DZIP1L: variants seen among roughly 807,000 people sequenced by gnomAD.
DZIP1L encodes the protein DAZ interacting zinc finger protein 1 like.
DZIP1L carries 90 observed loss-of-function variants against 88.7 expected under a neutral mutation model. That is an observed-to-expected ratio of 1.02 (90% CI 0.86 to 1.21). The LOEUF is 1.21. DZIP1L is among the 50% of genes most tolerant of loss of function. The pLI is 0.00. For missense variants in DZIP1L, 932 were observed against 955.8 expected (o/e 0.98, Z 0.33); for synonymous variants, 363 against 372.1 (o/e 0.98, Z 0.28).
In DZIP1L at chr3:138,101,534, T is replaced by C. The variant is rs766443097; in HGVS notation, c.501+1937A>G. ...ACCAGCTTCCCATCGCAAGTCTCTA[T>C]CTTCTTCACAACCACAGTGGCCCTG... On this transcript the variant is annotated intron_variant, in intron 2 of 15. Coordinates refer to ENST00000327532, the MANE Select transcript of DZIP1L (RefSeq NM_173543.3). 84 of 795,976 alleles carry C rather than the reference T, an allele frequency of 1.1e-4. 1 individual carries two copies. In the African/African-American group the frequency reaches 1.3e-3, roughly 12 times the overall value. 49.3% of individuals were successfully genotyped at this position (795,976 alleles called of 1,614,324 possible).
intron 2 of DZIP1L, 22 bp downstream of exon 2, chr3:138,103,449 C>A: frequency 6.3e-7 from 1 of 1,577,570 alleles, no homozygotes; most frequent in South Asian, 1.2e-5. Context: ...CCCACTCTCC[C>A]TGCCTGGTGG....
At chr3:138,091,908 C>CAGAAT (rs1944253877) in intron 5 of DZIP1L, among the ~76,000 whole-genome samples, 1 of 152,134 alleles carries the variant, frequency 6.6e-6, no homozygotes, top group Non-Finnish European at 1.5e-5. Context: ...AAGACCCCAA[C>CAGAAT]AGAATGTCTG....
intron 3 of DZIP1L, among the ~76,000 whole-genome samples, chr3:138,097,117 G>C (rs1298695748): frequency 1.3e-5 from 2 of 151,782 alleles, no homozygotes; most frequent in African/African-American, 4.8e-5. Flanking sequence ...GGAGGTGGAG[G>C]CTGCAATGGA....
chr3:138,113,360 A>G (rs564149145), intron 1 of DZIP1L: 1 of 152,334 alleles, frequency 6.6e-6, no homozygotes, highest in South Asian at 2.1e-4. Flanking sequence ...ACTGACAGCT[A>G]GACAACAACA....
chr3:138,079,410 A>C (rs77192155), intron 10 of DZIP1L, among the ~76,000 whole-genome samples: 1,828 of 152,324 alleles, frequency 0.012, 39 homozygotes, highest in African/African-American at 0.041. Flanking sequence ...ATTTTAGTTC[A>C]TCCATCTAAG....
At chr3:138,076,267 C>T (rs116633648) in intron 11 of DZIP1L, among the ~76,000 whole-genome samples, 1,808 of 152,192 alleles carry the variant, frequency 0.012, 38 homozygotes, top group African/African-American at 0.041. Context: ...AATTAATAGA[C>T]GTTGACATGG....
At chr3:138,082,522 A>G (rs1943711374) in intron 8 of DZIP1L, among the ~76,000 whole-genome samples, 1 of 152,236 alleles carries the variant, frequency 6.6e-6, no homozygotes, top group Non-Finnish European at 1.5e-5. Flanking sequence ...CACACAGAAA[A>G]GGAAAACTGA....
intron 3 of DZIP1L, among the ~76,000 whole-genome samples, chr3:138,096,429 A>G (rs390729): frequency 0.85 from 129,262 of 152,140 alleles, 55,232 homozygotes; most frequent in Middle Eastern, 0.91. Context: ...AATACTATTC[A>G]GCCATTAAAA....
Position 138,086,946 on chromosome 3 carries a change from C to T in DZIP1L, c.1062+15G>A, listed in dbSNP as rs1943968395. On this transcript the variant is annotated intron_variant, in intron 7 of 15. Transcript: ENST00000327532. ...CAGGAAACCAAGCTCCCCGAGATCACCCAACAAAAGCTACCTCTTTCTTCT... is the reference window on the plus strand; with the variant it reads ...CAGGAAACCAAGCTCCCCGAGATCATCCAACAAAAGCTACCTCTTTCTTCT... The T allele has an allele frequency of 6.2e-7, 1 of 1,613,354 alleles. No individual in the cohort carries two copies. The highest frequency in any genetic ancestry group is 8.5e-7 in the Non-Finnish European group (1 of 1,179,842).
intron 1 of DZIP1L, among the ~76,000 whole-genome samples, chr3:138,105,013 C>G (rs1032086383): frequency 6.6e-6 from 1 of 151,994 alleles, no homozygotes; most frequent in Non-Finnish European, 1.5e-5. Flanking sequence ...TAGAAGAAAG[C>G]AAAGTACAAT....
intron 1 of DZIP1L, among the ~76,000 whole-genome samples, chr3:138,110,695 G>C (rs1321882635): frequency 1.3e-5 from 2 of 152,178 alleles, no homozygotes; most frequent in Middle Eastern, 3.4e-3. Context: ...GTTGACCTGG[G>C]CAACTATCCC....
intron 11 of DZIP1L, among the ~76,000 whole-genome samples, chr3:138,074,150 G>C (rs1262008048): frequency 6.6e-6 from 1 of 152,172 alleles, no homozygotes; most frequent in Non-Finnish European, 1.5e-5. Context: ...GAATAATTGA[G>C]GAAAACTTCC....
rs574934311 is a variant in DZIP1L, at chr3:138,097,377, G to A, written c.586+386C>T. Among the ~76,000 whole-genome samples, 13 of 152,228 alleles carry A rather than the reference G, an allele frequency of 8.5e-5. No individual in the cohort carries two copies. The South Asian group carries it at 2.1e-3, about 24-fold the overall frequency. On this transcript the variant is annotated intron_variant, in intron 3 of 15. Transcript: ENST00000327532. ...CCATTCACCCCATTTAGGCTTATTC[G>A]TGGCTGGCATCAGGGAACTGCAGAT...
chr3:138,074,311 A>G (rs1365046718), intron 11 of DZIP1L, among the ~76,000 whole-genome samples: 1 of 152,232 alleles, frequency 6.6e-6, no homozygotes, highest in African/African-American at 2.4e-5. Flanking sequence ...GTGAGGCAAA[A>G]GCACCAGGTA....
intron 14 of DZIP1L, among the ~76,000 whole-genome samples, chr3:138,065,318 C>A: frequency 6.6e-6 from 1 of 152,174 alleles, no homozygotes; most frequent in Non-Finnish European, 1.5e-5. Flanking sequence ...CAGCCTTCTA[C>A]GATTCAAATG....
At chr3:138,096,238 G>T (rs1944460964) in intron 3 of DZIP1L, among the ~76,000 whole-genome samples, 1 of 152,156 alleles carries the variant, frequency 6.6e-6, no homozygotes, top group South Asian at 2.1e-4. Flanking sequence ...TAGCAAAAGT[G>T]ATCTTAAGAA....
intron 3 of DZIP1L, among the ~76,000 whole-genome samples, chr3:138,095,817 A>G (rs1009805831): frequency 6.6e-6 from 1 of 152,170 alleles, no homozygotes; most frequent in African/African-American, 2.4e-5. Context: ...TGGAAAAAAA[A>G]AGCAGCATGT....
intron 3 of DZIP1L, among the ~76,000 whole-genome samples, 176 bp downstream of exon 3, chr3:138,097,587 C>T (rs916213962): frequency 6.6e-6 from 1 of 152,212 alleles, no homozygotes; most frequent in African/African-American, 2.4e-5. Flanking sequence ...GGGTCAGAAA[C>T]CCTTCCAACC....
intron 11 of DZIP1L, among the ~76,000 whole-genome samples, chr3:138,074,325 T>TC (rs1943306005): frequency 2.0e-5 from 3 of 152,188 alleles, no homozygotes; most frequent in African/African-American, 7.2e-5. Flanking sequence ...CCAGGTAACC[T>TC]ATAAAGGAAC....
Sources: gnomAD v4.1 joint callset for allele counts (sites outside exome capture counted in the v4.1 genomes callset) on GRCh38, gnomAD v4.1.1 for gene constraint, MANE v1.5 for transcripts, NCBI Gene and HGNC (gene_info 2026-07-23, HGNC 2026-07-21) for gene names.